Variants in HIVEP1 observed in about 807,000 individuals in gnomAD.
The protein encoded by HIVEP1 is zinc finger protein 40.
HIVEP1 carries 36 observed loss-of-function variants against 180.0 expected under a neutral mutation model. The observed-to-expected ratio is 0.20, with a 90% CI of 0.15 to 0.26. The LOEUF (loss-of-function observed/expected upper bound fraction) is 0.26. HIVEP1 is among the 10% of genes least tolerant of loss of function. The pLI, the probability that HIVEP1 is intolerant of heterozygous loss-of-function variation, is 1.00. For missense variants in HIVEP1, 3,143 were observed against 3,268.7 expected, an observed-to-expected ratio of 0.96 and a Z score of 0.94; for synonymous variants, 1,239 against 1,239.0, an observed-to-expected ratio of 1.00 and a Z score of 0.00.
chr6:12,034,702 C>CT (rs1399066994), intron 2 of HIVEP1, among the ~76,000 whole-genome samples: 26 of 152,350 alleles, frequency 1.7e-4, no homozygotes, highest in Non-Finnish European at 2.8e-4. Context: ...AGCTAATTCT[C>CT]TAAGTCCCAG....
At chr6:12,031,110 A>G (rs929728227) in intron 2 of HIVEP1, among the ~76,000 whole-genome samples, 3 of 152,162 alleles carry the variant, frequency 2.0e-5, no homozygotes, top group Admixed American at 6.5e-5. Flanking sequence ...TTTAAAGCCA[A>G]AGGTAGATCA....
chr6:12,026,236 A>T (rs377017573), intron 2 of HIVEP1, among the ~76,000 whole-genome samples: 1 of 152,216 alleles, frequency 6.6e-6, no homozygotes, highest in East Asian at 1.9e-4. Context: ...ATATAATTTC[A>T]GGCTAGTATG....
rs1760620710 is a variant in HIVEP1, at chr6:12,164,373, C to T, written c.8069C>T (p.Pro2690Leu). ...TCTCCAGACAGACAGGTTCCCAGGC[C>T]CACAGCACTACCGCGGAGGCAGCCC... ...TLSPDRQVPR[P>L]TALPRRQPTV... The change falls in exon 9 of 9, where the codon CCC becomes CTC. Residue 2690 changes from proline (P) to leucine (L), a missense_variant. This residue lies in a region of HIVEP1 where 595 missense variants were observed against 602.2 expected (regional missense o/e 0.99). Transcript: ENST00000379388. The T allele has an allele frequency of 6.2e-7, 1 of 1,614,148 alleles. No individual in the cohort carries two copies. Among genetic ancestry groups the T allele is most frequent in the Non-Finnish European group, 8.5e-7 (1 of 1,180,026 alleles).
At chr6:12,024,911 T>A (rs892199417) in intron 2 of HIVEP1, among the ~76,000 whole-genome samples, 17 of 152,338 alleles carry the variant, frequency 1.1e-4, no homozygotes, top group Non-Finnish European at 2.4e-4. Flanking sequence ...CTCCTCATTC[T>A]GCAGATGGGA....
At chr6:12,138,735 A>G (rs967777987) in intron 7 of HIVEP1, among the ~76,000 whole-genome samples, 2 of 151,772 alleles carry the variant, frequency 1.3e-5, no homozygotes, top group African/African-American at 2.4e-5. Flanking sequence ...ATTCTGACTT[A>G]CCCCACCAGT....
the HIVEP1 span, among the ~76,000 whole-genome samples, chr6:12,183,642 T>C: frequency 2.6e-5 from 4 of 152,210 alleles, no homozygotes; most frequent in African/African-American, 9.6e-5. Flanking sequence ...TTCACATTTA[T>C]AAGATAAGAT....
In HIVEP1 at chr6:12,164,268, G is replaced by GCCAACCAGCGT; in HGVS notation, c.7968_7978dup (p.Thr2660AsnfsTer10). On this transcript the variant is annotated frameshift_variant, in exon 9 of 9. Transcript: ENST00000379388. LOFTEE classifies it low-confidence loss of function (END_TRUNC). Reference sequence around the variant, plus strand: ...AAGCCTGAACTCACTTCCATACAGGGCCAACCAGCGTCCACGTCACAACCT... The same window carrying GCCAACCAGCGT: ...AAGCCTGAACTCACTTCCATACAGGGCCAACCAGCGTCCAACCAGCGTCCACGTCACAACCT... 1 of 1,614,058 alleles carries GCCAACCAGCGT rather than the reference G, an allele frequency of 6.2e-7. No homozygotes were observed. The highest frequency in any genetic ancestry group is 8.5e-7 in the Non-Finnish European group (1 of 1,180,024).
Position 12,120,358 on chromosome 6 carries a change from C to A in HIVEP1, c.563C>A (p.Ser188Tyr), listed in dbSNP as rs555921272. ...ECISSHCGTT[S>Y]PSYTNTAFDV... ...ATCTCTTCTCATTGTGGCACTACGT[C>A]CCCCTCCTATACAAACACTGCATTC... Residue 188 changes from serine to tyrosine, a missense_variant, in exon 4 of 9, where the codon TCC (serine) becomes TAC (tyrosine). Transcript: ENST00000379388. 6.2e-7 allele frequency: 1 copy of A among 1,613,934 alleles called. No individual in the cohort carries two copies. Among genetic ancestry groups the A allele is most frequent in the Non-Finnish European group, 8.5e-7 (1 of 1,179,934 alleles).
chr6:12,190,057 A>G, the HIVEP1 span, among the ~76,000 whole-genome samples: 2 of 152,344 alleles, frequency 1.3e-5, no homozygotes, highest in Admixed American at 6.5e-5. Context: ...ATATTATGCT[A>G]CCTTTTCAGA....
chr6:12,033,488 A>T (rs574203134), intron 2 of HIVEP1, among the ~76,000 whole-genome samples: 1 of 152,230 alleles, frequency 6.6e-6, no homozygotes, highest in African/African-American at 2.4e-5. Context: ...ACGTTCTTGA[A>T]CCTTGCTGGA....
Position 12,163,449 on chromosome 6 carries a change from GC to G in HIVEP1, c.7147del (p.His2383ThrfsTer78). ...CCTTCTCCCCACACTCATTTGTTTA[GC>G]CACCTTCCTTTGCATTCCCAGCAGC... ...GLPSPHTHLF[S>X]HLPLHSQQQS... On this transcript the variant is annotated frameshift_variant, in exon 9 of 9. Coordinates refer to ENST00000379388, the MANE Select transcript of HIVEP1 (RefSeq NM_002114.4). LOFTEE classifies it low-confidence loss of function (END_TRUNC). 1 of 1,614,106 alleles carries G rather than the reference GC, an allele frequency of 6.2e-7. No individual in the cohort carries two copies. The highest frequency in any genetic ancestry group is 8.5e-7 in the Non-Finnish European group (1 of 1,180,008).
At chr6:12,139,267 A>T (rs219941) in intron 7 of HIVEP1, among the ~76,000 whole-genome samples, 10,375 of 152,066 alleles carry the variant, frequency 0.068, 1,178 homozygotes, top group African/African-American at 0.24. Context: ...CTGCAGCCAC[A>T]CGGGTCTCCT....
intron 3 of HIVEP1, among the ~76,000 whole-genome samples, chr6:12,093,930 A>G (rs115773319): frequency 0.013 from 1,920 of 152,046 alleles, 40 homozygotes; most frequent in African/African-American, 0.043. Flanking sequence ...TCTTTAAAAA[A>G]CTTGTTGGAA....
Position 12,122,119 on chromosome 6 carries a change from CA to C in HIVEP1, c.2326del (p.Arg776AspfsTer21). On this transcript the variant is annotated frameshift_variant, in exon 4 of 9. Coordinates refer to ENST00000379388, the MANE Select transcript of HIVEP1 (RefSeq NM_002114.4). LOFTEE classifies it high-confidence loss of function. Reference sequence around the variant, plus strand: ...GTGAAGCCGCGGAGAACCTCACTGTCAAGACGAGGAAGCATTGATTCCCCCA... The same window carrying C: ...GTGAAGCCGCGGAGAACCTCACTGTCAGACGAGGAAGCATTGATTCCCCCA... ...DSVKPRRTSL[S>X]RRGSIDSPKS... 6.2e-7 allele frequency: 1 copy of C among 1,614,156 alleles called. No homozygotes were observed. Among genetic ancestry groups the C allele is most frequent in the Non-Finnish European group, 8.5e-7 (1 of 1,180,014 alleles).
At chr6:12,206,229 T>C in the HIVEP1 span, among the ~76,000 whole-genome samples, 1 of 152,174 alleles carries the variant, frequency 6.6e-6, no homozygotes, top group South Asian at 2.1e-4. Flanking sequence ...CACCTCCTGA[T>C]TTCAACCAAT....
At chr6:12,126,458 G>A (rs1424985031) in intron 4 of HIVEP1, among the ~76,000 whole-genome samples, 2 of 152,174 alleles carry the variant, frequency 1.3e-5, no homozygotes, top group South Asian at 4.1e-4. Context: ...ATTTGGTCAA[G>A]ATTTATAAAG....
intron 4 of HIVEP1, among the ~76,000 whole-genome samples, chr6:12,128,066 A>G (rs1758200565): frequency 6.6e-6 from 1 of 152,246 alleles, no homozygotes; most frequent in Non-Finnish European, 1.5e-5. Context: ...GCATGTAAAG[A>G]CTAAGATTTT....
the HIVEP1 span, among the ~76,000 whole-genome samples, chr6:12,177,739 C>G: frequency 6.6e-6 from 1 of 152,102 alleles, no homozygotes; most frequent in Non-Finnish European, 1.5e-5. Context: ...TTCTAATAAG[C>G]TAGATAAGTG....
intron 2 of HIVEP1, among the ~76,000 whole-genome samples, chr6:12,026,552 C>T (rs891635113): frequency 6.6e-6 from 1 of 152,132 alleles, no homozygotes; most frequent in Non-Finnish European, 1.5e-5. Context: ...GGAAAGGAAA[C>T]TTATTAGATT....
Sources: allele counts gnomAD v4.1 joint callset (sites outside exome capture counted in the v4.1 genomes callset), GRCh38; gene constraint gnomAD v4.1.1; regional missense constraint gnomAD v4.1.1; transcripts MANE v1.5; gene names NCBI Gene and HGNC (gene_info 2026-07-23, HGNC 2026-07-21).